The following ZBTB20 variants were observed in gnomAD, a reference collection of about 807,000 sequenced individuals.
The protein encoded by ZBTB20 is zinc finger and BTB domain-containing protein 20.
Under a neutral mutation model 56.9 loss-of-function variants are expected in ZBTB20, and 9 were observed. That is an observed-to-expected ratio of 0.16 (90% CI 0.10 to 0.28). ZBTB20 has a LOEUF of 0.28. Ranked by LOEUF, ZBTB20 falls within the 10% of genes least tolerant of loss-of-function variation. The pLI is 1.00. For synonymous variants in ZBTB20, 417 were observed against 420.7 expected (o/e 0.99, Z 0.11); for missense variants, 655 against 1,003.0 (o/e 0.65, Z 4.69).
In ZBTB20 at chr3:114,967,731, T is replaced by C. The variant is rs147267674; in HGVS notation, c.-456+6635A>G. 3.7e-3 allele frequency among the ~76,000 whole-genome samples: 559 copies of C among 152,058 alleles called. 4 individuals carry two copies. Among genetic ancestry groups the C allele is most frequent in the African/African-American group, 0.013 (521 of 41,494 alleles). Reference sequence around the variant, plus strand: ...CAACACTTTGGGAGGCCGAAGCGGGTGGATCACCCGAGGTCAGGAGTTCAA... The same window carrying C: ...CAACACTTTGGGAGGCCGAAGCGGGCGGATCACCCGAGGTCAGGAGTTCAA... On this transcript the variant is annotated intron_variant, in intron 3 of 11. Transcript: ENST00000675478.
At chr3:114,766,065 G>T (rs1398208065) in intron 5 of ZBTB20, among the ~76,000 whole-genome samples, 2 of 152,138 alleles carry the variant, frequency 1.3e-5, no homozygotes, top group African/African-American at 4.8e-5. Context: ...TAAAGAAGAG[G>T]TTGTCTACTT....
chr3:115,099,663 T>TG (rs1351854816), intron 1 of ZBTB20, among the ~76,000 whole-genome samples: 1 of 152,160 alleles, frequency 6.6e-6, no homozygotes, highest in African/African-American at 2.4e-5. Context: ...ACTGTAAATA[T>TG]GGACTTTAAA....
chr3:114,776,431 C>T (rs1232309415), intron 5 of ZBTB20, among the ~76,000 whole-genome samples: 1 of 152,060 alleles, frequency 6.6e-6, no homozygotes, highest in Admixed American at 6.6e-5. Context: ...GCTGAGATTG[C>T]AGTGATGTGG....
intron 2 of ZBTB20, among the ~76,000 whole-genome samples, chr3:115,033,014 C>T (rs1303289194): frequency 2.2e-4 from 29 of 132,316 alleles, no homozygotes; most frequent in South Asian, 4.9e-4. Context: ...GAAAGAAATA[C>T]GTATTAGAGC....
chr3:114,788,885 C>A (rs1239837188), intron 5 of ZBTB20, among the ~76,000 whole-genome samples: 1 of 152,056 alleles, frequency 6.6e-6, no homozygotes, highest in Non-Finnish European at 1.5e-5. Flanking sequence ...TGGAGGCAGG[C>A]GAGAGAGTGT....
At chr3:114,959,698 C>A (rs975301101) in intron 3 of ZBTB20, among the ~76,000 whole-genome samples, 2 of 143,762 alleles carry the variant, frequency 1.4e-5, no homozygotes, top group African/African-American at 5.3e-5. Flanking sequence ...ACCACACACA[C>A]ACACATCTAT....
At chr3:114,538,494 C>T (rs561967639) in intron 6 of ZBTB20, among the ~76,000 whole-genome samples, 3 of 152,238 alleles carry the variant, frequency 2.0e-5, no homozygotes, top group African/African-American at 4.8e-5. Flanking sequence ...TGACATACTG[C>T]TTACCTAAAT....
At chr3:114,388,097 T>C (rs2085382229) in intron 8 of ZBTB20, 1 of 152,208 alleles carries the variant, frequency 6.6e-6, no homozygotes, top group African/African-American at 2.4e-5. Flanking sequence ...GTCTCCCAGG[T>C]TTAGCGTTTT....
chr3:115,010,973 G>A (rs2079678264), intron 2 of ZBTB20, among the ~76,000 whole-genome samples: 1 of 151,590 alleles, frequency 6.6e-6, no homozygotes, highest in Non-Finnish European at 1.5e-5. Context: ...AAAGAGGCAG[G>A]CAGAAATTCT....
intron 2 of ZBTB20, among the ~76,000 whole-genome samples, chr3:115,048,355 C>G (rs2108425120): frequency 6.6e-6 from 1 of 152,210 alleles, no homozygotes; most frequent in South Asian, 2.1e-4. Flanking sequence ...CTTTATATTC[C>G]TGAATTGGTT....
intron 6 of ZBTB20, among the ~76,000 whole-genome samples, chr3:114,602,195 T>C (rs143726887): frequency 2.6e-5 from 4 of 152,152 alleles, no homozygotes; most frequent in Admixed American, 6.6e-5. Context: ...ACAAGTTCTA[T>C]AGAGTTACCT....
At chr3:114,761,556 C>T (rs1456031567) in intron 5 of ZBTB20, among the ~76,000 whole-genome samples, 5 of 152,036 alleles carry the variant, frequency 3.3e-5, no homozygotes, top group African/African-American at 7.2e-5. Flanking sequence ...AAAATAAGTC[C>T]GGGCACGGTG....
chr3:114,946,075 T>C (rs2076877527), intron 3 of ZBTB20, among the ~76,000 whole-genome samples: 1 of 145,676 alleles, frequency 6.9e-6, no homozygotes, highest in Non-Finnish European at 1.5e-5. Context: ...TTAGAAAATT[T>C]TGACATATTT....
At chr3:114,779,240 T>C (rs1455880790) in intron 5 of ZBTB20, among the ~76,000 whole-genome samples, 1 of 152,194 alleles carries the variant, frequency 6.6e-6, no homozygotes, top group African/African-American at 2.4e-5. Context: ...ATCCTTTCTA[T>C]AAAAAAACTA....
chr3:114,318,525 G>C lies in ZBTB20; in HGVS notation c.*20480C>G, dbSNP rs1297225088. ...CATCTCAGGATGGGAAAGTGTGGTT[G>C]CCCACTGAGAGGGTGAAGTCCCACT... is the stretch of plus-strand genomic sequence containing the variant. On this transcript the variant is annotated 3_prime_UTR_variant, in exon 12 of 12. Coordinates refer to ENST00000675478, the MANE Select transcript of ZBTB20 (RefSeq NM_001348800.3). 6.6e-6 allele frequency: 1 copy of C among 152,264 alleles called. No homozygotes were observed. The highest frequency in any genetic ancestry group is 1.5e-5 in the Non-Finnish European group (1 of 68,082). The allele number at this position is 152,264 out of a possible 1,614,324, so 9.4% of individuals were successfully genotyped here. A position where few individuals can be genotyped will look rare whatever the true frequency, so the allele number is the denominator to read the frequency against.
chr3:114,690,812 A>T (rs920875481), intron 6 of ZBTB20, among the ~76,000 whole-genome samples: 2 of 152,272 alleles, frequency 1.3e-5, no homozygotes, highest in East Asian at 3.9e-4. Flanking sequence ...CCAGTGTTAC[A>T]TTTGATTTAA....
At chr3:115,040,172 A>T (rs754021490) in intron 2 of ZBTB20, among the ~76,000 whole-genome samples, 1 of 152,120 alleles carries the variant, frequency 6.6e-6, no homozygotes, top group African/African-American at 2.4e-5. Context: ...ATAATGCTGA[A>T]TGACTCACTG....
chr3:114,790,153 A>C (rs1422452907), intron 5 of ZBTB20, among the ~76,000 whole-genome samples: 1 of 152,146 alleles, frequency 6.6e-6, no homozygotes, highest in African/African-American at 2.4e-5. Flanking sequence ...ATGAAACTAA[A>C]ACTTCTGTGT....
intron 2 of ZBTB20, among the ~76,000 whole-genome samples, chr3:115,047,847 GA>G (rs1474380714): frequency 6.6e-6 from 1 of 152,050 alleles, no homozygotes; most frequent in Non-Finnish European, 1.5e-5. Flanking sequence ...CAATGACCTG[GA>G]ATTGTGACAG....
Sources: allele counts gnomAD v4.1 joint callset (sites outside exome capture counted in the v4.1 genomes callset), GRCh38; gene constraint gnomAD v4.1.1; transcripts MANE v1.5; gene names NCBI Gene and HGNC (gene_info 2026-07-23, HGNC 2026-07-21).